The following TPT1 variants were observed in gnomAD, a reference collection of about 807,000 sequenced individuals.
TPT1 encodes tumor protein, translationally-controlled 1, also known as translationally-controlled tumor protein.
Under a neutral mutation model 22.8 loss-of-function variants are expected in TPT1, and 5 were observed. That is an observed-to-expected ratio of 0.22 (90% CI 0.11 to 0.46). The LOEUF (loss-of-function observed/expected upper bound fraction) is 0.46, where lower values mean the gene tolerates loss of function less well. TPT1 is among the 20% of genes least tolerant of loss of function. The probability of loss-of-function intolerance (pLI) is 0.99; values close to 1 mark genes in which losing one functional copy is unlikely to be tolerated. For missense variants in TPT1, 130 were observed against 218.7 expected (o/e 0.59, Z 2.56); for synonymous variants, 89 against 73.6 (o/e 1.21, Z -1.07).
chr13:45,338,514 C>T, intron 5 of TPT1, 146 bp downstream of exon 5: 1 of 1,417,894 alleles, frequency 7.1e-7, no homozygotes. Flanking sequence ...ACATATGAAA[C>T]ACAATTCTCT....
At position 45,337,204 on chromosome 13, in the gene TPT1, C is replaced by G. The variant is rs1304845421; in HGVS notation, c.*182G>C. On this transcript the variant is annotated 3_prime_UTR_variant, in exon 6 of 6. Transcript: ENST00000530705. ...AGTTTAAATGCATTTTATTTTTAGA[C>G]AACCTACATGACATGTTTTTCTTAA... 2 of 644,352 alleles carry G rather than the reference C, an allele frequency of 3.1e-6. No individual in the cohort carries two copies. Among genetic ancestry groups the G allele is most frequent in the Non-Finnish European group, 5.4e-6 (2 of 367,444 alleles). The allele number at this position is 644,352 out of a possible 1,614,324, so 39.9% of individuals were successfully genotyped here.
rs769945858 is a variant in TPT1, at chr13:45,340,805, G to A, written c.29-20C>T. On this transcript the variant is annotated intron_variant, in intron 1 of 5. Coordinates refer to ENST00000530705, the MANE Select transcript of TPT1 (RefSeq NM_003295.4). ...CATCGTCTGCCGGATACACAGAGCCGCCCATCACCGTGCGCCTGGCGCCGC... is the reference window on the plus strand; with the variant it reads ...CATCGTCTGCCGGATACACAGAGCCACCCATCACCGTGCGCCTGGCGCCGC... 2.6e-6 allele frequency: 4 copies of A among 1,511,898 alleles called. No homozygotes were observed. Among genetic ancestry groups the A allele is most frequent in the Middle Eastern group, 1.8e-4 (1 of 5,600 alleles). 93.7% of individuals were successfully genotyped at this position (1,511,898 alleles called of 1,614,324 possible). A position where few individuals can be genotyped will look rare whatever the true frequency, so the allele number is the denominator to read the frequency against.
intron 5 of TPT1, 31 bp from the exon 6 acceptor site, chr13:45,337,419 T>G (rs1403623628): frequency 9.9e-6 from 16 of 1,614,016 alleles, no homozygotes; most frequent in Non-Finnish European, 2.5e-6. Flanking sequence ...TTAATATTTT[T>G]CAAACATTAC....
chr13:45,336,958 CA>C lies in TPT1; in HGVS notation c.*427del. The stretch of plus-strand genomic sequence containing the variant: ...AGGTGATGAAATGGGTAAGGCTCCA[CA>C]CTTCAGATGTTGGCACTGCTATGAG... On this transcript the variant is annotated 3_prime_UTR_variant, in exon 6 of 6. Coordinates refer to ENST00000530705, the MANE Select transcript of TPT1 (RefSeq NM_003295.4). The C allele has an allele frequency of 5.7e-6, 1 of 174,538 alleles. No homozygotes were observed. Among genetic ancestry groups the C allele is most frequent in the East Asian group, 1.7e-4 (1 of 6,020 alleles). The allele number at this position is 174,538 out of a possible 1,614,324, so 10.8% of individuals were successfully genotyped here. A position where few individuals can be genotyped will look rare whatever the true frequency, so the allele number is the denominator to read the frequency against.
rs1041185064 is a variant in TPT1 at position 45,334,061 on chromosome 13, G to A, written c.*3325C>T. On this transcript the variant is annotated 3_prime_UTR_variant, in exon 6 of 6. Transcript: ENST00000530705. ...CTCAAGCCATCCTCTCAGCTCAGCCGCCTGAGTAGCTGGGACTACAGATGC... is the reference window on the plus strand; with the variant it reads ...CTCAAGCCATCCTCTCAGCTCAGCCACCTGAGTAGCTGGGACTACAGATGC... The A allele has an allele frequency of 2.6e-5, 4 of 152,140 alleles. No individual in the cohort carries two copies. The highest frequency in any genetic ancestry group is 5.9e-5 in the Non-Finnish European group (4 of 68,108). 9.4% of individuals were successfully genotyped at this position (152,140 alleles called of 1,614,324 possible).
chr13:45,334,313 C>T lies in TPT1; in HGVS notation c.*3073G>A, dbSNP rs1878542552. The T allele has an allele frequency of 6.6e-6, 1 of 152,208 alleles. No homozygotes were observed. Among genetic ancestry groups the T allele is most frequent in the South Asian group, 2.1e-4 (1 of 4,834 alleles). 9.4% of individuals were successfully genotyped at this position (152,208 alleles called of 1,614,324 possible). ...TGCAGTGGGAGCACCTCTTAATTAC[C>T]TTTGTTGGTTTCTCTTTGTCAACCA... On this transcript the variant is annotated 3_prime_UTR_variant, in exon 6 of 6. Transcript: ENST00000530705.
rs1879101041 is a variant in TPT1, at chr13:45,341,099, G to A, written c.-30C>T. On this transcript the variant is annotated 5_prime_UTR_variant, in exon 1 of 6. Transcript: ENST00000530705. ...GCGACTGAAGGGAGACGACGACGGC[G>A]CTAGCTTAGCACGAGCCTGAAACTC... The A allele has an allele frequency of 1.9e-6, 3 of 1,611,692 alleles. No individual in the cohort carries two copies. The highest frequency in any genetic ancestry group is 1.1e-5 in the South Asian group (1 of 90,776).
intron 2 of TPT1, chr13:45,340,507 C>T (rs558490387): frequency 1.3e-6 from 1 of 770,560 alleles, no homozygotes; most frequent in East Asian, 2.7e-5. Context: ...CCCGGACAAC[C>T]CCGGGAGGAG....
chr13:45,340,317 AGTT>A lies in TPT1; in HGVS notation c.103-136_103-134del, dbSNP rs1879005806. 5 of 1,200,932 alleles carry A rather than the reference AGTT, an allele frequency of 4.2e-6. No homozygotes were observed. In the East Asian group the frequency reaches 1.3e-4, roughly 30 times the overall value. 74.4% of individuals were successfully genotyped at this position (1,200,932 alleles called of 1,614,324 possible). ...AAAAAAAGCACCATTTTGGGAATAA[AGTT>A]GTGACCCGTGGATTTCTCAAAACGA... is the stretch of plus-strand genomic sequence containing the variant. On this transcript the variant is annotated intron_variant, in intron 2 of 5. Coordinates refer to ENST00000530705, the MANE Select transcript of TPT1 (RefSeq NM_003295.4).
intron 5 of TPT1, 142 bp from the exon 6 acceptor site, chr13:45,337,530 G>A (rs1286209708): frequency 1.2e-5 from 20 of 1,613,082 alleles, no homozygotes; most frequent in Middle Eastern, 1.6e-4. Flanking sequence ...GACAGAAAGC[G>A]CAGGGATTTC....
chr13:45,341,143 C>CCGGAG lies in TPT1; in HGVS notation c.-79_-75dup. The CCGGAG allele has an allele frequency of 6.3e-7, 1 of 1,588,380 alleles. No homozygotes were observed. The highest frequency in any genetic ancestry group is 1.1e-5 in the South Asian group (1 of 88,402). On this transcript the variant is annotated 5_prime_UTR_variant, in exon 1 of 6. Transcript: ENST00000530705. ...GAAACTCGGAGCGAGCGCGGTGCAG[C>CCGGAG]CGGAGCGGCGCTCGGGGGGAGGGGG... is the stretch of plus-strand genomic sequence containing the variant.
At chr13:45,340,894 G>C (rs1042475122) in intron 1 of TPT1, 109 bp from the exon 2 acceptor site, 2 of 1,487,128 alleles carry the variant, frequency 1.3e-6, no homozygotes, top group African/African-American at 2.8e-5. Flanking sequence ...GCACACCAGA[G>C]CTGGGCGCGA....
At position 45,335,228 on chromosome 13, in the gene TPT1, T is replaced by C. The variant is rs1222837413; in HGVS notation, c.*2158A>G. The C allele has an allele frequency of 6.6e-6, 1 of 152,182 alleles. No individual in the cohort carries two copies. The highest frequency in any genetic ancestry group is 1.5e-5 in the Non-Finnish European group (1 of 68,036). The allele number at this position is 152,182 out of a possible 1,614,324, so 9.4% of individuals were successfully genotyped here. ...TCTGAGAAGATTCTACCTGGAATCT[T>C]CAAAGGTTTACCATGAGGTAAACAG... On this transcript the variant is annotated 3_prime_UTR_variant, in exon 6 of 6. Coordinates refer to ENST00000530705, the MANE Select transcript of TPT1 (RefSeq NM_003295.4).
intron 2 of TPT1, 31 bp from the exon 3 acceptor site, chr13:45,340,215 A>C: frequency 6.3e-7 from 1 of 1,595,074 alleles, no homozygotes; most frequent in South Asian, 1.1e-5. Context: ...ATAATTGCAA[A>C]AGACACAAAC....
Position 45,341,154 on chromosome 13 carries a change from C to A in TPT1, c.-85G>T, listed in dbSNP as rs1278068961. On this transcript the variant is annotated 5_prime_UTR_variant, in exon 1 of 6. Transcript: ENST00000530705. ...CGAGCGCGGTGCAGCCGGAGCGGCGCTCGGGGGGAGGGGGGAGCGGGCGGA... is the reference window on the plus strand; with the variant it reads ...CGAGCGCGGTGCAGCCGGAGCGGCGATCGGGGGGAGGGGGGAGCGGGCGGA... 2 of 1,573,270 alleles carry A rather than the reference C, an allele frequency of 1.3e-6. No homozygotes were observed. Among genetic ancestry groups the A allele is most frequent in the Admixed American group, 1.8e-5 (1 of 54,534 alleles).
chr13:45,340,731 C>G lies in TPT1; in HGVS notation c.83G>C (p.Cys28Ser). 6.5e-7 allele frequency: 1 copy of G among 1,527,238 alleles called. No individual in the cohort carries two copies. The allele number at this position is 1,527,238 out of a possible 1,614,324, so 94.6% of individuals were successfully genotyped here. ...ACTCACCTTCCCCTCCACCTCCAGG[C>G]ACAACCCGTCCGCGATCTCCCGGAT... ...YKIREIADGL[C>S]LEVEGKMVSR... The change falls in exon 2 of 6, where the codon TGC becomes TCC. Residue 28 changes from cysteine (C) to serine (S), a missense_variant. By Grantham distance (112) the Cys-to-Ser change is moderately radical (BLOSUM62 -1). Coordinates refer to ENST00000530705, the MANE Select transcript of TPT1 (RefSeq NM_003295.4).
rs1039496269 is a variant in TPT1 at position 45,340,494 on chromosome 13, T to G, written c.102+218A>C. On this transcript the variant is annotated intron_variant, in intron 2 of 5. Transcript: ENST00000530705. ...CCAGGCTCCTAAGCCGGAAGCATCA[T>G]GTCCCGGACAACCCCGGGAGGAGGA... 8.0e-6 allele frequency: 6 copies of G among 750,562 alleles called. No individual in the cohort carries two copies. In the East Asian group the frequency reaches 1.6e-4, roughly 20 times the overall value. The allele number at this position is 750,562 out of a possible 1,614,324, so 46.5% of individuals were successfully genotyped here.
Position 45,337,248 on chromosome 13 carries a change from A to T in TPT1, c.*138T>A. On this transcript the variant is annotated 3_prime_UTR_variant, in exon 6 of 6. Transcript: ENST00000530705. ...TTCTTAAAAACAATGCCTCCACTCCAAATAAATCACAGTCAAAATAAATGA... is the reference window on the plus strand; with the variant it reads ...TTCTTAAAAACAATGCCTCCACTCCTAATAAATCACAGTCAAAATAAATGA... The T allele has an allele frequency of 1.2e-6, 1 of 864,804 alleles. No homozygotes were observed. The highest frequency in any genetic ancestry group is 1.8e-6 in the Non-Finnish European group (1 of 540,620). The allele number at this position is 864,804 out of a possible 1,614,324, so 53.6% of individuals were successfully genotyped here.
At position 45,337,055 on chromosome 13, in the gene TPT1, T is replaced by C. The variant is rs772585029; in HGVS notation, c.*331A>G. On this transcript the variant is annotated 3_prime_UTR_variant, in exon 6 of 6. Transcript: ENST00000530705. ...CTTTTTTATATTCCAGTCCCAGAAG[T>C]AGTCTCCACTGTAGAAGTTAATTGA... The C allele has an allele frequency of 4.9e-5, 16 of 326,434 alleles. No individual in the cohort carries two copies. Among genetic ancestry groups the C allele is most frequent in the Non-Finnish European group, 7.4e-5 (13 of 176,450 alleles). The allele number at this position is 326,434 out of a possible 1,614,324, so 20.2% of individuals were successfully genotyped here.
Sources: gnomAD v4.1 joint callset for allele counts on GRCh38, gnomAD v4.1.1 for gene constraint, MANE v1.5 for transcripts, NCBI Gene and HGNC (gene_info 2026-07-23, HGNC 2026-07-21) for gene names.